Variants in DOCK3 observed in about 807,000 individuals in gnomAD.
DOCK3 encodes dedicator of cytokinesis protein 3.
In DOCK3, 60 loss-of-function variants were observed where a neutral mutation model predicts 265.6. The observed-to-expected ratio is 0.23, with a 90% CI of 0.18 to 0.28. The LOEUF (loss-of-function observed/expected upper bound fraction) is 0.28, where lower values mean the gene tolerates loss of function less well. DOCK3 is among the 10% of genes least tolerant of loss of function. The pLI, the probability that DOCK3 is intolerant of heterozygous loss-of-function variation, is 1.00. For synonymous variants in DOCK3, 881 were observed against 938.0 expected (o/e 0.94, Z 1.11); for missense variants, 1,981 against 2,594.3 (o/e 0.76, Z 5.14).
At chr3:51,189,138 G>GAT (rs2087788229) in intron 12 of DOCK3, among the ~76,000 whole-genome samples, 1 of 152,156 alleles carries the variant, frequency 6.6e-6, no homozygotes, top group African/African-American at 2.4e-5. Flanking sequence ...GGGATAAGAT[G>GAT]ATAGCTCATT....
chr3:51,361,752 C>T lies in DOCK3; in HGVS notation c.5007-107C>T, dbSNP rs540621804. 34 of 1,434,654 alleles carry T rather than the reference C, an allele frequency of 2.4e-5. No homozygotes were observed. Among genetic ancestry groups the T allele is most frequent in the Admixed American group, 6.4e-5 (3 of 46,608 alleles). 88.9% of individuals were successfully genotyped at this position (1,434,654 alleles called of 1,614,324 possible). On this transcript the variant is annotated intron_variant, in intron 47 of 52. Transcript: ENST00000266037. The surrounding 1 kb of genome is among the most constrained non-coding windows in gnomAD (Gnocchi z 4.2). ...GCATTGACTATGGAACCCTCCAAAC[C>T]GGTGGTAGCTGAAACCAGGGATGAC...
intron 9 of DOCK3, among the ~76,000 whole-genome samples, chr3:51,128,435 A>T (rs543177662): frequency 1.8e-4 from 27 of 152,312 alleles, no homozygotes; most frequent in African/African-American, 5.3e-4. Context: ...CTTTAGGATG[A>T]TGGGGAACAT....
chr3:50,755,481 A>G (rs564640858), intron 1 of DOCK3, among the ~76,000 whole-genome samples: 95 of 152,214 alleles, frequency 6.2e-4, no homozygotes, highest in Non-Finnish European at 1.1e-3. Flanking sequence ...CTTTTTGAGT[A>G]TAACTGAACA....
intron 27 of DOCK3, among the ~76,000 whole-genome samples, chr3:51,296,192 A>G (rs1236899534): frequency 6.6e-6 from 1 of 152,226 alleles, no homozygotes; most frequent in Non-Finnish European, 1.5e-5. Context: ...TAAATGATTC[A>G]AAAACTGAAA....
intron 5 of DOCK3, among the ~76,000 whole-genome samples, chr3:50,961,718 A>G (rs2076892128): frequency 6.6e-6 from 1 of 152,210 alleles, no homozygotes; most frequent in Non-Finnish European, 1.5e-5. Flanking sequence ...AAAGTTAACG[A>G]GTACTTATAT....
intron 1 of DOCK3, among the ~76,000 whole-genome samples, chr3:50,738,718 A>G (rs1301232846): frequency 6.6e-6 from 1 of 152,200 alleles, no homozygotes; most frequent in East Asian, 1.9e-4. Context: ...ATGGTGAGGT[A>G]CTATTCCCAA....
chr3:51,369,094 A>G (rs2087478270), intron 49 of DOCK3, among the ~76,000 whole-genome samples: 2 of 152,256 alleles, frequency 1.3e-5, no homozygotes, highest in Non-Finnish European at 2.9e-5. Flanking sequence ...GGGAGAAACC[A>G]AAGCAGAAAA....
intron 13 of DOCK3, among the ~76,000 whole-genome samples, chr3:51,209,159 T>C (rs548757198): frequency 2.4e-4 from 36 of 152,318 alleles, no homozygotes; most frequent in African/African-American, 8.4e-4. Flanking sequence ...CATTGTGAAG[T>C]CTATGTTTGC....
At chr3:51,008,721 T>G (rs1455698509) in intron 5 of DOCK3, among the ~76,000 whole-genome samples, 1 of 152,214 alleles carries the variant, frequency 6.6e-6, no homozygotes, top group Admixed American at 6.5e-5. Context: ...TGCTTCCAGT[T>G]TTTGCCCATT....
intron 22 of DOCK3, among the ~76,000 whole-genome samples, chr3:51,249,216 C>A (rs1448859094): frequency 7.1e-6 from 1 of 139,884 alleles, no homozygotes; most frequent in Admixed American, 6.9e-5. Flanking sequence ...GTCAGCCCCC[C>A]GCCCGGCCAG....
At chr3:50,985,072 T>TA (rs2077847526) in intron 5 of DOCK3, among the ~76,000 whole-genome samples, 1 of 152,230 alleles carries the variant, frequency 6.6e-6, no homozygotes, top group Admixed American at 6.5e-5. Flanking sequence ...CACATATGTA[T>TA]AAGTCTTAAA....
chr3:51,298,351 T>G (rs896680891), intron 27 of DOCK3, among the ~76,000 whole-genome samples: 6 of 152,242 alleles, frequency 3.9e-5, no homozygotes, highest in Non-Finnish European at 5.9e-5. Context: ...TCTTGGTCAA[T>G]GCAGCTAAAA....
rs548806983 is a variant in DOCK3, at chr3:50,962,856, C to G, written c.315+28779C>G. ...TTTATGCAATGCTTTAGAAATTAAC[C>G]TCGATTTTAAATGCAATAATTAAAC... On this transcript the variant is annotated intron_variant, in intron 5 of 52. Coordinates refer to ENST00000266037, the MANE Select transcript of DOCK3 (RefSeq NM_004947.5). Among the ~76,000 whole-genome samples, 6 of 152,168 alleles carry G rather than the reference C, an allele frequency of 3.9e-5. No homozygotes were observed. In the East Asian group the frequency reaches 5.8e-4, roughly 15 times the overall value.
At chr3:50,893,262 C>T (rs1050647847) in intron 4 of DOCK3, 12 of 308,320 alleles carry the variant, frequency 3.9e-5, no homozygotes, top group African/African-American at 2.7e-4. Flanking sequence ...CAATAACAGA[C>T]CCTAAAGAAA....
intron 7 of DOCK3, among the ~76,000 whole-genome samples, chr3:51,083,825 A>G (rs976771347): frequency 4.6e-5 from 7 of 152,138 alleles, no homozygotes; most frequent in Non-Finnish European, 8.8e-5. Flanking sequence ...TCTACTAAAA[A>G]TAGAAAAAAT....
At chr3:51,213,733 TC>T (rs1222805775) in intron 13 of DOCK3, among the ~76,000 whole-genome samples, 1 of 152,178 alleles carries the variant, frequency 6.6e-6, no homozygotes, top group Admixed American at 6.6e-5. Flanking sequence ...CTGAAGGTCT[TC>T]TTTGGTCATG....
intron 2 of DOCK3, among the ~76,000 whole-genome samples, chr3:50,807,812 A>G (rs764224995): frequency 5.3e-5 from 8 of 152,168 alleles, no homozygotes; most frequent in Non-Finnish European, 1.0e-4. Flanking sequence ...GCAGTGACAC[A>G]ATCACAGCTC....
At chr3:50,698,407 A>G (rs1052573581) in intron 1 of DOCK3, among the ~76,000 whole-genome samples, 3 of 150,612 alleles carry the variant, frequency 2.0e-5, no homozygotes, top group African/African-American at 7.3e-5. Context: ...ATATTTGTCC[A>G]TTTACCAGAA....
At position 51,014,253 on chromosome 3, in the gene DOCK3, C is replaced by T. The variant is rs1040308166; in HGVS notation, c.316-50195C>T. Among the ~76,000 whole-genome samples the T allele has an allele frequency of 1.9e-4, 29 of 152,266 alleles. 1 individual carries two copies. Among genetic ancestry groups the T allele is most frequent in the African/African-American group, 4.8e-4 (20 of 41,542 alleles). ...AACCACCCATCTTCTGTGTTGATCACGCTTGGAGCTGCAGACCAGAGCTGT... is the reference window on the plus strand; with the variant it reads ...AACCACCCATCTTCTGTGTTGATCATGCTTGGAGCTGCAGACCAGAGCTGT... On this transcript the variant is annotated intron_variant, in intron 5 of 52. Transcript: ENST00000266037.
Sources: allele counts gnomAD v4.1 joint callset (sites outside exome capture counted in the v4.1 genomes callset), GRCh38; gene constraint gnomAD v4.1.1; non-coding constraint Gnocchi (gnomAD v3.1); transcripts MANE v1.5; gene names NCBI Gene and HGNC (gene_info 2026-07-23, HGNC 2026-07-21).